RERE: variants seen among roughly 807,000 people sequenced by gnomAD.
RERE encodes the protein arginine-glutamic acid dipeptide repeats.
In RERE, 40 loss-of-function variants were observed where a neutral mutation model predicts 146.1. The ratio of observed to expected loss-of-function variants is 0.27; its 90% CI spans 0.21 to 0.36. The LOEUF (loss-of-function observed/expected upper bound fraction) is 0.36, where lower values mean the gene tolerates loss of function less well. RERE is among the 10% of genes least tolerant of loss of function. The pLI is 1.00. For missense variants in RERE, 1,933 were observed against 2,138.7 expected (o/e 0.90, Z 1.90); for synonymous variants, 1,003 against 866.0 (o/e 1.16, Z -2.78).
At chr1:8,528,687 A>G (rs976585888) in intron 7 of RERE, among the ~76,000 whole-genome samples, 4 of 152,182 alleles carry the variant, frequency 2.6e-5, no homozygotes, top group African/African-American at 7.2e-5. Flanking sequence ...AAGGATATAG[A>G]ATAAGCAAAT....
chr1:8,541,189 G>T (rs1645796161), intron 7 of RERE, 25 bp downstream of exon 7: 1 of 1,264,694 alleles, frequency 7.9e-7, no homozygotes, highest in Non-Finnish European at 1.1e-6. Context: ...AGTTCTCAAT[G>T]AATGGACACA....
In RERE at chr1:8,357,929, T is replaced by TCCCAGGCACAGGGCCAAGAA. The variant is rs1641360934; in HGVS notation, c.4339+247_4339+266dup. ...TGTGGGCCTAGGCCACTTCCCTCCA[T>TCCCAGGCACAGGGCCAAGAA]CCCAGGCACAGGGCCAAGAACCCAG... On this transcript the variant is annotated intron_variant, in intron 20 of 22. Coordinates refer to ENST00000400908, the MANE Select transcript of RERE (RefSeq NM_001042681.2). Among the ~76,000 whole-genome samples the TCCCAGGCACAGGGCCAAGAA allele has an allele frequency of 8.5e-5, 13 of 152,302 alleles. 1 individual carries two copies. The South Asian group carries it at 2.7e-3, about 32-fold the overall frequency.
At chr1:8,475,698 A>T (rs1001005294) in intron 10 of RERE, among the ~76,000 whole-genome samples, 2 of 152,114 alleles carry the variant, frequency 1.3e-5, no homozygotes, top group African/African-American at 4.8e-5. Flanking sequence ...AAAAAAAAAA[A>T]AAGAAAAGAA....
At chr1:8,616,978 C>T (rs372480387) in intron 3 of RERE, among the ~76,000 whole-genome samples, 2 of 152,216 alleles carry the variant, frequency 1.3e-5, no homozygotes, top group Non-Finnish European at 2.9e-5. Context: ...AACACCATTA[C>T]TCCATAATTG....
At chr1:8,667,439 G>A (rs1638602141) in intron 1 of RERE, among the ~76,000 whole-genome samples, 1 of 152,198 alleles carries the variant, frequency 6.6e-6, no homozygotes, top group South Asian at 2.1e-4. Flanking sequence ...TGTTCGGGGG[G>A]CCGAGGCAGG....
intron 10 of RERE, among the ~76,000 whole-genome samples, chr1:8,479,972 T>A (rs1177340258): frequency 6.6e-6 from 1 of 152,148 alleles, no homozygotes; most frequent in African/African-American, 2.4e-5. Flanking sequence ...GTAGAATACA[T>A]GAGCCCTTCT....
rs867521074 is a variant in RERE, at chr1:8,356,918, C to T, written c.4340-672G>A. ...CCTGGGGTCCCTGGAAGATTGGGAG[C>T]CCCCGCTCTGCCTCTGTGGCTGCTC... On this transcript the variant is annotated intron_variant, in intron 20 of 22. Transcript: ENST00000400908. This position sits in a 1 kb window ranked among gnomAD's most constrained non-coding sequence, Gnocchi z 5.2. 4.8e-4 allele frequency among the ~76,000 whole-genome samples: 73 copies of T among 152,302 alleles called. 1 individual carries two copies. The highest frequency in any genetic ancestry group is 3.4e-4 in the Non-Finnish European group (23 of 68,028).
At chr1:8,561,073 A>G (rs1017521453) in intron 4 of RERE, among the ~76,000 whole-genome samples, 2 of 152,236 alleles carry the variant, frequency 1.3e-5, no homozygotes, top group Admixed American at 1.3e-4. Context: ...TCTGAAGTAC[A>G]ATATCTATGT....
rs932710657 is a variant in RERE at position 8,446,000 on chromosome 1, C to T, written c.1203+19925G>A. Among the ~76,000 whole-genome samples the T allele has an allele frequency of 1.8e-4, 27 of 152,198 alleles. No individual in the cohort carries two copies. In the East Asian group the frequency reaches 3.9e-3, roughly 22 times the overall value. ...TTTGGCATGTTTTTGCAGTGGCTGG[C>T]GCCTGTTGTTCCTTTCCATGTTTAG... On this transcript the variant is annotated intron_variant, in intron 11 of 22. Coordinates refer to ENST00000400908, the MANE Select transcript of RERE (RefSeq NM_001042681.2).
At chr1:8,729,516 C>T (rs961152285) in intron 1 of RERE, among the ~76,000 whole-genome samples, 2 of 152,084 alleles carry the variant, frequency 1.3e-5, no homozygotes, top group Non-Finnish European at 2.9e-5. Context: ...AGCCACTGCA[C>T]CTGGCCTTAT....
intron 1 of RERE, among the ~76,000 whole-genome samples, chr1:8,795,320 G>C (rs924510934): frequency 6.6e-6 from 1 of 151,468 alleles, no homozygotes; most frequent in Admixed American, 6.6e-5. Flanking sequence ...CACCGCCCCC[G>C]GCCCCCCACT....
intron 1 of RERE, among the ~76,000 whole-genome samples, chr1:8,793,908 A>G (rs1334498431): frequency 6.6e-6 from 1 of 152,006 alleles, no homozygotes; most frequent in Admixed American, 6.6e-5. Flanking sequence ...TACTAAAAAT[A>G]CAAAAAAATT....
chr1:8,455,139 G>A (rs920264530), intron 11 of RERE, among the ~76,000 whole-genome samples: 5 of 152,190 alleles, frequency 3.3e-5, no homozygotes, highest in Admixed American at 6.5e-5. Flanking sequence ...GGAGGGACAC[G>A]GGGCAGTGGT....
chr1:8,704,231 TATTAAA>T (rs1639515639), intron 1 of RERE, among the ~76,000 whole-genome samples: 1 of 152,202 alleles, frequency 6.6e-6, no homozygotes, highest in African/African-American at 2.4e-5. Context: ...TGCTAAATTT[TATTAAA>T]ATTAAAGTAC....
At chr1:8,717,534 T>C (rs1002967064) in intron 1 of RERE, among the ~76,000 whole-genome samples, 2 of 152,162 alleles carry the variant, frequency 1.3e-5, no homozygotes, top group African/African-American at 4.8e-5. Context: ...AAGTGGCAAA[T>C]TAAGATGTAG....
At chr1:8,662,640 T>C (rs1440823853) in intron 1 of RERE, among the ~76,000 whole-genome samples, 1 of 152,180 alleles carries the variant, frequency 6.6e-6, no homozygotes, top group South Asian at 2.1e-4. Flanking sequence ...AAGGCTACAA[T>C]GGGCTGTGAT....
intron 1 of RERE, among the ~76,000 whole-genome samples, chr1:8,732,928 T>A (rs1181690905): frequency 6.7e-6 from 1 of 148,676 alleles, no homozygotes; most frequent in Non-Finnish European, 1.5e-5. Context: ...TTCACGCCAT[T>A]CTCCTGCCTC....
chr1:8,508,539 A>G, intron 8 of RERE, 88 bp downstream of exon 8: 1 of 1,040,252 alleles, frequency 9.6e-7, no homozygotes, highest in Non-Finnish European at 1.5e-6. Context: ...CAATAACCAC[A>G]TTCTAAGATG....
chr1:8,434,352 C>G (rs1207838584), intron 11 of RERE, among the ~76,000 whole-genome samples: 3 of 152,180 alleles, frequency 2.0e-5, no homozygotes, highest in Admixed American at 2.0e-4. Context: ...AATGAGAAAG[C>G]TAGAAAGAAG....
Sources: allele counts gnomAD v4.1 joint callset (sites outside exome capture counted in the v4.1 genomes callset), GRCh38; gene constraint gnomAD v4.1.1; non-coding constraint Gnocchi (gnomAD v3.1); transcripts MANE v1.5; gene names NCBI Gene and HGNC (gene_info 2026-07-23, HGNC 2026-07-21).